The following ADGRL4 variants were observed in gnomAD, a reference collection of about 807,000 sequenced individuals.
ADGRL4 encodes EGF, latrophilin and seven transmembrane domain containing 1.
In ADGRL4, 90 loss-of-function variants were observed where a neutral mutation model predicts 74.8. The ratio of observed to expected loss-of-function variants is 1.20; its 90% CI spans 1.02 to 1.43. The LOEUF is 1.43. Among genes scored for constraint, ADGRL4 ranks in the 40% most tolerant of loss-of-function variants. The pLI is 0.00. For synonymous variants in ADGRL4, 311 were observed against 279.2 expected (o/e 1.11, Z -1.14); for missense variants, 881 against 814.3 (o/e 1.08, Z -1.00).
At chr1:78,992,168 T>C (rs1650619110) in intron 2 of ADGRL4, among the ~76,000 whole-genome samples, 1 of 152,066 alleles carries the variant, frequency 6.6e-6, no homozygotes, top group South Asian at 2.1e-4. Context: ...TTATCTCCTT[T>C]CATGGCAAAT....
chr1:78,913,987 A>C (rs957242564), intron 12 of ADGRL4, among the ~76,000 whole-genome samples: 1 of 151,808 alleles, frequency 6.6e-6, no homozygotes, highest in Non-Finnish European at 1.5e-5. Context: ...TTTTAAAAAG[A>C]TGATTCTTGA....
chr1:78,941,821 C>T (rs1463721813), intron 3 of ADGRL4, among the ~76,000 whole-genome samples: 2 of 152,238 alleles, frequency 1.3e-5, no homozygotes, highest in East Asian at 1.9e-4. Context: ...GAAAAGTCTC[C>T]GGGATTGCTA....
chr1:78,955,537 A>C (rs1331577859), intron 2 of ADGRL4, among the ~76,000 whole-genome samples: 3 of 152,038 alleles, frequency 2.0e-5, no homozygotes, highest in Non-Finnish European at 4.4e-5. Flanking sequence ...GTTTAATAGT[A>C]CTTTTGTATT....
intron 12 of ADGRL4, among the ~76,000 whole-genome samples, chr1:78,896,961 A>G (rs1648412145): frequency 6.6e-6 from 1 of 152,166 alleles, no homozygotes; most frequent in Non-Finnish European, 1.5e-5. Flanking sequence ...TTTGGGCACT[A>G]AGATATTCCC....
chr1:78,929,219 A>T (rs1264422767), intron 7 of ADGRL4, among the ~76,000 whole-genome samples: 1 of 151,372 alleles, frequency 6.6e-6, no homozygotes, highest in Non-Finnish European at 1.5e-5. Context: ...AAAAATATAC[A>T]TTTAAAAATC....
At chr1:78,977,630 T>C (rs1650312036) in intron 2 of ADGRL4, among the ~76,000 whole-genome samples, 1 of 151,816 alleles carries the variant, frequency 6.6e-6, no homozygotes, top group Non-Finnish European at 1.5e-5. Flanking sequence ...AAGAGACCAA[T>C]GAAATAGAAC....
At chr1:78,894,438 A>G (rs1204109230) in intron 12 of ADGRL4, among the ~76,000 whole-genome samples, 2 of 151,816 alleles carry the variant, frequency 1.3e-5, no homozygotes, top group African/African-American at 4.8e-5. Context: ...TACTTTAGCA[A>G]TTGTAGAGGT....
At chr1:78,953,166 T>C (rs1012327981) in intron 2 of ADGRL4, among the ~76,000 whole-genome samples, 17 of 152,182 alleles carry the variant, frequency 1.1e-4, no homozygotes, top group Admixed American at 5.9e-4. Context: ...ATTGGAGATA[T>C]GGAAAATTCT....
chr1:78,984,849 G>T (rs1178378106), intron 2 of ADGRL4, among the ~76,000 whole-genome samples: 1 of 151,630 alleles, frequency 6.6e-6, no homozygotes, highest in African/African-American at 2.4e-5. Context: ...ATTACCGTGG[G>T]ACTCATGGTA....
intron 2 of ADGRL4, among the ~76,000 whole-genome samples, chr1:78,997,844 G>C (rs910063932): frequency 6.6e-6 from 1 of 152,142 alleles, no homozygotes; most frequent in Non-Finnish European, 1.5e-5. Flanking sequence ...AGAGATTTCA[G>C]AGTTTTCTGT....
intron 3 of ADGRL4, among the ~76,000 whole-genome samples, chr1:78,942,558 C>T (rs143014027): frequency 6.2e-4 from 94 of 152,262 alleles, no homozygotes; most frequent in African/African-American, 2.1e-3. Flanking sequence ...TTCCTCACTA[C>T]CAACTTATTT....
intron 13 of ADGRL4, among the ~76,000 whole-genome samples, chr1:78,891,912 A>G (rs1204008502): frequency 6.6e-6 from 1 of 152,160 alleles, no homozygotes; most frequent in Non-Finnish European, 1.5e-5. Context: ...GTGTGCTTCC[A>G]AAGTCAAATT....
At chr1:78,899,976 G>A (rs964620369) in intron 12 of ADGRL4, among the ~76,000 whole-genome samples, 3 of 152,122 alleles carry the variant, frequency 2.0e-5, no homozygotes, top group Admixed American at 6.5e-5. Flanking sequence ...AGATAGGGAG[G>A]TGATCCTGAA....
chr1:78,957,660 GA>G (rs1334899314), intron 2 of ADGRL4, among the ~76,000 whole-genome samples: 1 of 152,176 alleles, frequency 6.6e-6, no homozygotes, highest in Non-Finnish European at 1.5e-5. Flanking sequence ...GAGGTTTAAG[GA>G]AAGAAGCTGT....
At chr1:78,958,947 A>T (rs1323147267) in intron 2 of ADGRL4, among the ~76,000 whole-genome samples, 1 of 152,198 alleles carries the variant, frequency 6.6e-6, no homozygotes, top group African/African-American at 2.4e-5. Context: ...AGCAGCCAAC[A>T]TCAAAGCAAG....
chr1:78,991,828 G>C (rs1650613495), intron 2 of ADGRL4, among the ~76,000 whole-genome samples: 1 of 151,892 alleles, frequency 6.6e-6, no homozygotes, highest in Non-Finnish European at 1.5e-5. Context: ...ATGGCAAAAA[G>C]GGATTAACTT....
Position 78,920,222 on chromosome 1 carries a change from T to C in ADGRL4, c.1422A>G (p.Glu474=). 1 of 1,611,742 alleles carries C rather than the reference T, an allele frequency of 6.2e-7. No individual in the cohort carries two copies. Among genetic ancestry groups the C allele is most frequent in the Admixed American group, 1.7e-5 (1 of 59,790 alleles). ...KNLCCSLFLA[E]LVFLVGINTN... Reference sequence around the variant, plus strand: ...TATTGATCCCAACAAGAAAAACAAGTTCAGCAAGAAATAGGCTACAGCAAA... The same window carrying C: ...TATTGATCCCAACAAGAAAAACAAGCTCAGCAAGAAATAGGCTACAGCAAA... Residue 474 remains glutamate, a synonymous_variant, in exon 10 of 15, where the codon GAA becomes GAG. Coordinates refer to ENST00000370742, the MANE Select transcript of ADGRL4 (RefSeq NM_022159.4).
chr1:78,982,289 G>A (rs547601769), intron 2 of ADGRL4, among the ~76,000 whole-genome samples: 28 of 151,920 alleles, frequency 1.8e-4, no homozygotes, highest in African/African-American at 5.8e-4. Context: ...CACTAATATG[G>A]TTGTATATTC....
At chr1:78,916,784 T>A (rs1312175815) in intron 12 of ADGRL4, among the ~76,000 whole-genome samples, 1 of 151,850 alleles carries the variant, frequency 6.6e-6, no homozygotes, top group African/African-American at 2.4e-5. Context: ...GGAACAAAGT[T>A]GTCCAAAATA....
Sources: allele counts gnomAD v4.1 joint callset (sites outside exome capture counted in the v4.1 genomes callset), GRCh38; gene constraint gnomAD v4.1.1; transcripts MANE v1.5; gene names NCBI Gene and HGNC (gene_info 2026-07-23, HGNC 2026-07-21).